Variants in RBFOX2 observed in about 807,000 individuals in gnomAD.
The protein encoded by RBFOX2 is RNA binding fox-1 homolog 2, also known as RNA binding protein fox-1 homolog 2.
Under a neutral mutation model 49.1 loss-of-function variants are expected in RBFOX2, and 10 were observed. The ratio of observed to expected loss-of-function variants is 0.20; its 90% CI spans 0.13 to 0.35. The LOEUF (loss-of-function observed/expected upper bound fraction) is 0.35. Among genes scored for constraint, RBFOX2 ranks in the 10% least tolerant of loss-of-function variants. The probability of loss-of-function intolerance (pLI) is 1.00; values close to 1 mark genes in which losing one functional copy is unlikely to be tolerated. For missense variants in RBFOX2, 323 were observed against 486.9 expected, an observed-to-expected ratio of 0.66 and a Z score of 3.17; for synonymous variants, 183 against 187.4, an observed-to-expected ratio of 0.98 and a Z score of 0.19.
intron 1 of RBFOX2, chr22:35,994,730 T>C (rs375149597): frequency 6.6e-6 from 1 of 151,906 alleles, no homozygotes; most frequent in African/African-American, 2.4e-5. Context: ...TATAATTTCA[T>C]ATAAGAACAG....
intron 1 of RBFOX2, among the ~76,000 whole-genome samples, chr22:35,958,838 G>A (rs960822059): frequency 2.6e-5 from 4 of 151,954 alleles, no homozygotes; most frequent in African/African-American, 7.3e-5. Context: ...GTCATATCTC[G>A]TTATACTTTG....
At chr22:35,833,185 A>G (rs1957098531) in intron 1 of RBFOX2, among the ~76,000 whole-genome samples, 2 of 152,226 alleles carry the variant, frequency 1.3e-5, no homozygotes, top group Admixed American at 1.3e-4. Context: ...GTCAGTAAAC[A>G]TTCTGGAAAC....
At chr22:35,925,852 G>A (rs916151716) in intron 1 of RBFOX2, among the ~76,000 whole-genome samples, 1 of 152,164 alleles carries the variant, frequency 6.6e-6, no homozygotes, top group African/African-American at 2.4e-5. Context: ...GCTAAGCAGA[G>A]TAATGAGACT....
intron 2 of RBFOX2, among the ~76,000 whole-genome samples, chr22:35,801,601 G>T (rs925678600): frequency 6.6e-6 from 1 of 152,112 alleles, no homozygotes; most frequent in African/African-American, 2.4e-5. Context: ...GAGGTGGGTG[G>T]ATCACTTGAG....
intron 1 of RBFOX2, among the ~76,000 whole-genome samples, chr22:35,985,500 C>T (rs1043283435): frequency 2.6e-5 from 4 of 152,074 alleles, no homozygotes; most frequent in Non-Finnish European, 5.9e-5. Flanking sequence ...GGAATGTGGG[C>T]CCCGTGCTGC....
chr22:35,968,998 G>A (rs1234713515), intron 1 of RBFOX2, among the ~76,000 whole-genome samples: 2 of 152,064 alleles, frequency 1.3e-5, no homozygotes, highest in African/African-American at 2.4e-5. Flanking sequence ...TTCAAGGTAC[G>A]GCCTGAATTC....
chr22:35,761,720 G>T (rs554724902), intron 6 of RBFOX2, among the ~76,000 whole-genome samples: 1 of 151,986 alleles, frequency 6.6e-6, no homozygotes, highest in African/African-American at 2.4e-5. Flanking sequence ...GATGGAGAGG[G>T]AATGAGAGGA....
At chr22:35,801,428 TAC>T (rs10623033) in intron 2 of RBFOX2, among the ~76,000 whole-genome samples, 32,654 of 143,342 alleles carry the variant, frequency 0.23, 5,419 homozygotes, top group African/African-American at 0.49. Context: ...ATACAACACA[TAC>T]ACACACACAC....
chr22:35,740,981 TA>T (rs1485101401), exon 12 of RBFOX2: 2 of 152,174 alleles, frequency 1.3e-5, no homozygotes, highest in Non-Finnish European at 2.9e-5. Flanking sequence ...CCCCTCAGAC[TA>T]AAAGTTGTGC....
In RBFOX2 at chr22:35,897,856, T is replaced by G. The variant is rs568268542; in HGVS notation, c.-34+40991A>C. 13 of 738,106 alleles carry G rather than the reference T, an allele frequency of 1.8e-5. No homozygotes were observed. The African/African-American group carries it at 2.2e-4, about 13-fold the overall frequency. 45.7% of individuals were successfully genotyped at this position (738,106 alleles called of 1,614,324 possible). ...CACTGCTTTCTCTCCAACAGCCTTC[T>G]TTCTCAAATATCTAGAAGAGCTTTT... On this transcript the variant is annotated intron_variant, in intron 1 of 13. Coordinates refer to the RBFOX2 transcript ENST00000359369.
At chr22:35,791,638 T>C (rs932970644) in intron 2 of RBFOX2, among the ~76,000 whole-genome samples, 6 of 152,214 alleles carry the variant, frequency 3.9e-5, no homozygotes, top group Admixed American at 2.6e-4. Flanking sequence ...TATTAATCCA[T>C]TTCACAATTA....
intron 1 of RBFOX2, among the ~76,000 whole-genome samples, chr22:35,833,360 G>A (rs1416101675): frequency 6.6e-6 from 1 of 152,198 alleles, no homozygotes; most frequent in Admixed American, 6.5e-5. Context: ...GAGAAGGAGT[G>A]AGAAGACAAT....
chr22:35,840,277 A>C, exon 1 of RBFOX2: 1 of 1,613,690 alleles, frequency 6.2e-7, no homozygotes, highest in East Asian at 2.2e-5. Context: ...ACACCTCCAC[A>C]GCTTTCTTTT....
exon 12 of RBFOX2, chr22:35,738,803 T>C (rs919343151): frequency 1.3e-5 from 2 of 152,500 alleles, no homozygotes; most frequent in Non-Finnish European, 2.9e-5. Context: ...GCAGTGCTCC[T>C]CCTTCGCTTA....
intron 2 of RBFOX2, among the ~76,000 whole-genome samples, chr22:35,802,641 C>G (rs1359649963): frequency 6.6e-6 from 1 of 152,136 alleles, no homozygotes; most frequent in Non-Finnish European, 1.5e-5. Flanking sequence ...AAATCCATAG[C>G]TCTGACAGCT....
intron 6 of RBFOX2, 77 bp downstream of exon 7, chr22:35,765,346 G>T (rs1479846905): frequency 9.7e-7 from 1 of 1,034,400 alleles, no homozygotes; most frequent in African/African-American, 1.7e-5. Flanking sequence ...CGGAAATAAA[G>T]ACATTCTTAG....
intron 1 of RBFOX2, among the ~76,000 whole-genome samples, chr22:35,985,907 GATAGATAGATAGATAGATA>G (rs1569518832): frequency 1.7e-4 from 1 of 5,894 alleles, no homozygotes; most frequent in East Asian, 3.3e-3. Context: ...TAGATGGATA[GATAGATAGATAGATAGATA>G]GATAGATAGA....
intron 1 of RBFOX2, chr22:35,898,344 T>C: frequency 1.5e-6 from 1 of 687,942 alleles, no homozygotes; most frequent in Non-Finnish European, 2.7e-6. Flanking sequence ...GCTATTGCAG[T>C]AATGGCAGAA....
At chr22:35,839,108 T>C (rs1170239610) in intron 1 of RBFOX2, among the ~76,000 whole-genome samples, 2 of 152,172 alleles carry the variant, frequency 1.3e-5, no homozygotes, top group African/African-American at 4.8e-5. Flanking sequence ...CCACAGAGCA[T>C]AGAAACCTGG....
Sources: allele counts gnomAD v4.1 joint callset (sites outside exome capture counted in the v4.1 genomes callset), GRCh38; gene constraint gnomAD v4.1.1; transcripts MANE v1.5; gene names NCBI Gene and HGNC (gene_info 2026-07-23, HGNC 2026-07-21).